MPPED2: variants seen among roughly 807,000 people sequenced by gnomAD.
The protein encoded by MPPED2 is metallophosphoesterase MPPED2.
A neutral mutation model predicts 33.0 loss-of-function variants in MPPED2; 5 were observed. The observed-to-expected ratio is 0.15, with a 90% CI of 0.08 to 0.32. The LOEUF (loss-of-function observed/expected upper bound fraction) is 0.32. Ranked by LOEUF, MPPED2 falls within the 10% of genes least tolerant of loss-of-function variation. MPPED2 has a pLI of 1.00. For synonymous variants in MPPED2, 136 were observed against 141.9 expected, an observed-to-expected ratio of 0.96 and a Z score of 0.29; for missense variants, 275 against 372.1, an observed-to-expected ratio of 0.74 and a Z score of 2.15.
At chr11:30,557,122 C>T (rs1305457227) in intron 2 of MPPED2, among the ~76,000 whole-genome samples, 1 of 151,284 alleles carries the variant, frequency 6.6e-6, no homozygotes, top group Non-Finnish European at 1.5e-5. Flanking sequence ...TTTTGTTAAA[C>T]AGTGCTAGAT....
At chr11:30,397,726 G>A (rs199626494) in intron 6 of MPPED2, among the ~76,000 whole-genome samples, 1 of 152,090 alleles carries the variant, frequency 6.6e-6, no homozygotes, top group African/African-American at 2.4e-5. Flanking sequence ...TGAAGAAACA[G>A]GCTCCAAGAG....
At chr11:30,472,606 A>T (rs1590418640) in intron 4 of MPPED2, among the ~76,000 whole-genome samples, 1 of 152,350 alleles carries the variant, frequency 6.6e-6, no homozygotes, top group East Asian at 1.9e-4. Flanking sequence ...ATTCTAACAC[A>T]TGCTACAACA....
intron 6 of MPPED2, among the ~76,000 whole-genome samples, chr11:30,395,639 G>C (rs906239204): frequency 6.6e-6 from 1 of 152,230 alleles, no homozygotes; most frequent in African/African-American, 2.4e-5. Context: ...AGTCTGAACA[G>C]ACGGCTTAGT....
At chr11:30,415,235 C>T (rs1948292094) in intron 5 of MPPED2, among the ~76,000 whole-genome samples, 1 of 152,156 alleles carries the variant, frequency 6.6e-6, no homozygotes, top group African/African-American at 2.4e-5. Flanking sequence ...TTTAGTGTCT[C>T]TGTAAAGACA....
intron 4 of MPPED2, among the ~76,000 whole-genome samples, chr11:30,446,492 A>G (rs1949815430): frequency 6.6e-6 from 1 of 152,104 alleles, no homozygotes; most frequent in Non-Finnish European, 1.5e-5. Flanking sequence ...AAAAAAAAAC[A>G]ATACAAGTAA....
chr11:30,575,470 T>C (rs1394661498), intron 2 of MPPED2, among the ~76,000 whole-genome samples: 1 of 152,194 alleles, frequency 6.6e-6, no homozygotes, highest in Non-Finnish European at 1.5e-5. Flanking sequence ...TTTTCCATCA[T>C]CACCCAGCCA....
At chr11:30,510,385 T>C (rs1033206502) in intron 3 of MPPED2, among the ~76,000 whole-genome samples, 1 of 152,222 alleles carries the variant, frequency 6.6e-6, no homozygotes, top group African/African-American at 2.4e-5. Flanking sequence ...AGTTCTTCCA[T>C]GATACTAACA....
intron 2 of MPPED2, among the ~76,000 whole-genome samples, chr11:30,576,649 C>G (rs182913287): frequency 2.0e-5 from 3 of 152,218 alleles, no homozygotes; most frequent in Non-Finnish European, 2.9e-5. Flanking sequence ...TCAGCACCTC[C>G]TCCCACCATC....
rs1554981727 is a variant in MPPED2 at position 30,493,665 on chromosome 11, T to TTA, written c.536+1630_536+1631insTA. 1.7e-4 allele frequency among the ~76,000 whole-genome samples: 17 copies of TTA among 97,982 alleles called. No individual in the cohort carries two copies. In the East Asian group the frequency reaches 2.3e-3, roughly 13 times the overall value. The allele number at this position is 97,982 out of a possible 152,430, so 64.3% of individuals were successfully genotyped here. On this transcript the variant is annotated intron_variant, in intron 4 of 6. Transcript: ENST00000358117. Reference sequence around the variant, plus strand: ...TAGTCTAACATTCTCATTTTAAAGATAAAAAAAAAAACTGGCTCTAGGGCC... The same window carrying TTA: ...TAGTCTAACATTCTCATTTTAAAGATTAAAAAAAAAAAACTGGCTCTAGGGCC...
intron 1 of MPPED2, among the ~76,000 whole-genome samples, chr11:30,582,373 C>G (rs1386159725): frequency 6.6e-6 from 1 of 152,172 alleles, no homozygotes; most frequent in Non-Finnish European, 1.5e-5. Context: ...TTAGTGTTTG[C>G]ATAAATTAGA....
intron 3 of MPPED2, among the ~76,000 whole-genome samples, chr11:30,497,700 CCTTT>C (rs140393689): frequency 2.8e-4 from 43 of 151,802 alleles, no homozygotes; most frequent in Admixed American, 4.6e-4. Context: ...CTGGGTTTTT[CCTTT>C]CTTTCTTTCT....
At chr11:30,467,714 T>C (rs747373333) in intron 4 of MPPED2, among the ~76,000 whole-genome samples, 12 of 152,306 alleles carry the variant, frequency 7.9e-5, no homozygotes, top group Admixed American at 4.6e-4. Flanking sequence ...AACAAATATA[T>C]TGATGTGAAA....
At chr11:30,430,291 C>A (rs748985775) in intron 4 of MPPED2, among the ~76,000 whole-genome samples, 1 of 151,856 alleles carries the variant, frequency 6.6e-6, no homozygotes, top group South Asian at 2.1e-4. Flanking sequence ...AGTCTGAAAA[C>A]GGAGATGTGC....
chr11:30,540,571 G>T (rs377380942), intron 2 of MPPED2, among the ~76,000 whole-genome samples: 2 of 151,974 alleles, frequency 1.3e-5, no homozygotes, highest in African/African-American at 2.4e-5. Context: ...ATTAGTAGTA[G>T]TATCATTTAA....
intron 2 of MPPED2, among the ~76,000 whole-genome samples, chr11:30,539,811 A>G (rs927375017): frequency 6.6e-6 from 1 of 152,006 alleles, no homozygotes; most frequent in African/African-American, 2.4e-5. Flanking sequence ...TAGCAGTAGT[A>G]CAGGTGAGGT....
At chr11:30,554,018 G>A (rs1024476454) in intron 2 of MPPED2, among the ~76,000 whole-genome samples, 1 of 152,094 alleles carries the variant, frequency 6.6e-6, no homozygotes, top group Admixed American at 6.5e-5. Flanking sequence ...CAAGAACTGA[G>A]AACAAAAAGT....
At chr11:30,526,228 T>G (rs545113829) in intron 3 of MPPED2, among the ~76,000 whole-genome samples, 8 of 152,236 alleles carry the variant, frequency 5.3e-5, no homozygotes, top group African/African-American at 1.9e-4. Context: ...CAAAACAAGC[T>G]GTGTTACAGC....
intron 6 of MPPED2, among the ~76,000 whole-genome samples, chr11:30,404,417 T>C (rs1251897358): frequency 1.3e-5 from 2 of 152,212 alleles, no homozygotes; most frequent in African/African-American, 2.4e-5. Flanking sequence ...AACCATTTCA[T>C]AGAGTAAATT....
At chr11:30,455,091 T>G (rs1950224787) in intron 4 of MPPED2, among the ~76,000 whole-genome samples, 1 of 152,246 alleles carries the variant, frequency 6.6e-6, no homozygotes, top group Admixed American at 6.5e-5. Context: ...CACTGGAGGC[T>G]AAGGTCTGAC....
Sources: allele counts gnomAD v4.1 joint callset (sites outside exome capture counted in the v4.1 genomes callset), GRCh38; gene constraint gnomAD v4.1.1; transcripts MANE v1.5; gene names NCBI Gene and HGNC (gene_info 2026-07-23, HGNC 2026-07-21).